The following DNAI4 variants were observed in gnomAD, a reference collection of about 807,000 sequenced individuals.
DNAI4 encodes the protein dynein axonemal intermediate chain 4.
In DNAI4, 85 loss-of-function variants were observed where a neutral mutation model predicts 105.8. That is an observed-to-expected ratio of 0.80 (90% CI 0.67 to 0.96). The LOEUF (loss-of-function observed/expected upper bound fraction) is 0.96. Among genes scored for constraint, DNAI4 ranks in the 40% least tolerant of loss-of-function variants. The probability of loss-of-function intolerance (pLI) is 0.00; values close to 1 mark genes in which losing one functional copy is unlikely to be tolerated. For synonymous variants in DNAI4, 352 were observed against 331.5 expected, an observed-to-expected ratio of 1.06 and a Z score of -0.67; for missense variants, 1,014 against 1,005.6, an observed-to-expected ratio of 1.01 and a Z score of -0.11.
chr1:66,875,620 G>T (rs1646944040), intron 4 of DNAI4, among the ~76,000 whole-genome samples: 1 of 152,068 alleles, frequency 6.6e-6, no homozygotes, highest in Non-Finnish European at 1.5e-5. Flanking sequence ...GTGGGTAACA[G>T]CCATGAGAAA....
At chr1:66,827,753 T>C in intron 14 of DNAI4, 59 bp downstream of exon 14, 3 of 958,782 alleles carry the variant, frequency 3.1e-6, no homozygotes, top group Non-Finnish European at 4.7e-6. Flanking sequence ...CTGTATATAA[T>C]GGTACTGTTT....
rs1302300852 is a variant in DNAI4, at chr1:66,890,839, AAAGG to A, written c.643+311_643+314del. On this transcript the variant is annotated intron_variant, in intron 4 of 16. Coordinates refer to ENST00000371026, the MANE Select transcript of DNAI4 (RefSeq NM_024763.5). This position sits in a 1 kb window ranked among gnomAD's most constrained non-coding sequence, Gnocchi z 4.1. ...GAAGAGGAAAAGAGGAAGAGGAAGA[AAAGG>A]AAGAGGAAGAAGAAGAGGAAGAGGA... is the stretch of plus-strand genomic sequence containing the variant. The A allele has an allele frequency of 8.1e-6, 3 of 369,420 alleles. No homozygotes were observed. The East Asian group carries it at 2.2e-4, about 27-fold the overall frequency. The allele number at this position is 369,420 out of a possible 1,614,324, so 22.9% of individuals were successfully genotyped here.
In DNAI4 at chr1:66,893,531, T is replaced by C. The variant is rs1264261200; in HGVS notation, c.346-118A>G. ...AAAGATTAGTATAATGCTCCTATAA[T>C]AGGATAAACATGAAAAATTGGATGC... is the stretch of plus-strand genomic sequence containing the variant. On this transcript the variant is annotated intron_variant, in intron 2 of 16. Transcript: ENST00000371026. The C allele has an allele frequency of 6.6e-6, 4 of 603,326 alleles. No individual in the cohort carries two copies. The Admixed American group carries it at 1.2e-4, about 19-fold the overall frequency. The allele number at this position is 603,326 out of a possible 1,614,324, so 37.4% of individuals were successfully genotyped here. A position where few individuals can be genotyped will look rare whatever the true frequency, so the allele number is the denominator to read the frequency against.
At chr1:66,873,436 G>A (rs1191980680) in intron 5 of DNAI4, among the ~76,000 whole-genome samples, 4 of 151,346 alleles carry the variant, frequency 2.6e-5, no homozygotes, top group Non-Finnish European at 5.9e-5. Context: ...AAAAAATTGT[G>A]GAGATAGGGC....
chr1:66,880,364 A>G (rs988128412), intron 4 of DNAI4, among the ~76,000 whole-genome samples: 3 of 152,230 alleles, frequency 2.0e-5, no homozygotes, highest in Non-Finnish European at 4.4e-5. Flanking sequence ...AAAATGTGGG[A>G]AAGTTTGGAA....
intron 16 of DNAI4, among the ~76,000 whole-genome samples, chr1:66,818,987 C>T (rs534374806): frequency 2.6e-5 from 4 of 152,128 alleles, no homozygotes; most frequent in African/African-American, 9.6e-5. Context: ...TCCTATTGTA[C>T]ATGTGTAAGA....
At position 66,872,813 on chromosome 1, in the gene DNAI4, A is replaced by T. The variant is rs145823966; in HGVS notation, c.801-1304T>A. ...CACTGCAACCTTCCCCTCCTGGAGA[A>T]GCAATTCTCGTGCCTCAGCCTCCTG... On this transcript the variant is annotated intron_variant, in intron 5 of 16. Coordinates refer to ENST00000371026, the MANE Select transcript of DNAI4 (RefSeq NM_024763.5). Among the ~76,000 whole-genome samples, 1,151 of 152,124 alleles carry T rather than the reference A, an allele frequency of 7.6e-3. 15 individuals carry two copies. Among genetic ancestry groups the T allele is most frequent in the African/African-American group, 0.027 (1,101 of 41,478 alleles).
intron 1 of DNAI4, among the ~76,000 whole-genome samples, chr1:66,910,324 C>T (rs1649563162): frequency 6.6e-6 from 1 of 152,222 alleles, no homozygotes; most frequent in African/African-American, 2.4e-5. Flanking sequence ...TAAGTCCTTA[C>T]TATGACTTAA....
intron 1 of DNAI4, among the ~76,000 whole-genome samples, chr1:66,913,084 G>GA (rs1401180245): frequency 2.6e-5 from 4 of 152,166 alleles, no homozygotes; most frequent in African/African-American, 4.8e-5. Flanking sequence ...TTCCAACAGG[G>GA]AAAATGAGGG....
In DNAI4 at chr1:66,923,659, T is replaced by C. The variant is rs115752614; in HGVS notation, c.170+1003A>G. 6.4e-3 allele frequency among the ~76,000 whole-genome samples: 971 copies of C among 152,300 alleles called. 9 individuals are homozygous for C. Among genetic ancestry groups the C allele is most frequent in the African/African-American group, 0.022 (905 of 41,562 alleles). ...CTGGCTTTCATAGAAGCTGTTTTGA[T>C]GGAGTGGTAGGATGGACAAAAGCGT... On this transcript the variant is annotated intron_variant, in intron 1 of 16. Transcript: ENST00000371026.
intron 7 of DNAI4, among the ~76,000 whole-genome samples, chr1:66,851,271 T>C (rs1221646917): frequency 1.3e-5 from 2 of 151,780 alleles, no homozygotes; most frequent in Non-Finnish European, 3.0e-5. Context: ...TATGTCATGA[T>C]TGTACCAAGA....
At chr1:66,847,274 G>C (rs1206349480) in intron 8 of DNAI4, among the ~76,000 whole-genome samples, 1 of 152,038 alleles carries the variant, frequency 6.6e-6, no homozygotes, top group Non-Finnish European at 1.5e-5. Flanking sequence ...AATTATTTGA[G>C]TTTGTCTAAA....
At chr1:66,881,965 G>T (rs1431267908) in intron 4 of DNAI4, among the ~76,000 whole-genome samples, 1 of 152,126 alleles carries the variant, frequency 6.6e-6, no homozygotes, top group Non-Finnish European at 1.5e-5. Context: ...AGATCTGATG[G>T]TTTTAAAAAT....
At chr1:66,906,463 G>T (rs1011178172) in intron 1 of DNAI4, among the ~76,000 whole-genome samples, 1 of 151,910 alleles carries the variant, frequency 6.6e-6, no homozygotes, top group South Asian at 2.1e-4. Context: ...AATCTGACAA[G>T]AATAAAATAT....
intron 3 of DNAI4, among the ~76,000 whole-genome samples, chr1:66,892,985 GAA>G (rs61698436): frequency 0.034 from 4,296 of 127,702 alleles, 214 homozygotes; most frequent in Middle Eastern, 0.11. Context: ...AAGAAAGAAA[GAA>G]AGAAAGAAAG....
intron 3 of DNAI4, among the ~76,000 whole-genome samples, chr1:66,892,589 T>A (rs1647751041): frequency 6.6e-6 from 1 of 152,028 alleles, no homozygotes; most frequent in Non-Finnish European, 1.5e-5. Flanking sequence ...ATTTAAAACA[T>A]GAGAGGAACA....
At chr1:66,904,649 G>A (rs774297752) in intron 2 of DNAI4, among the ~76,000 whole-genome samples, 8 of 151,988 alleles carry the variant, frequency 5.3e-5, no homozygotes, top group Non-Finnish European at 1.0e-4. Context: ...TGTTATCAAT[G>A]TCTTTCAAAG....
chr1:66,827,305 GA>G (rs1039909516), intron 14 of DNAI4, among the ~76,000 whole-genome samples: 4 of 151,374 alleles, frequency 2.6e-5, no homozygotes, highest in African/African-American at 4.9e-5. Context: ...AGAGTATTAA[GA>G]AAAAAAAGAA....
chr1:66,880,879 A>G (rs1403327224), intron 4 of DNAI4, among the ~76,000 whole-genome samples: 1 of 152,062 alleles, frequency 6.6e-6, no homozygotes, highest in Non-Finnish European at 1.5e-5. Flanking sequence ...TAGGAGGTGA[A>G]TGTGGTTTTG....
Sources: allele counts gnomAD v4.1 joint callset (sites outside exome capture counted in the v4.1 genomes callset), GRCh38; gene constraint gnomAD v4.1.1; non-coding constraint Gnocchi (gnomAD v3.1); transcripts MANE v1.5; gene names NCBI Gene and HGNC (gene_info 2026-07-23, HGNC 2026-07-21).